RBFOX1: variants seen among roughly 807,000 people sequenced by gnomAD.
The protein encoded by RBFOX1 is RNA binding fox-1 homolog 1.
RBFOX1 carries 8 observed loss-of-function variants against 57.7 expected under a neutral mutation model. That is an observed-to-expected ratio of 0.14 (90% CI 0.08 to 0.25). The LOEUF is 0.25. Ranked by LOEUF, RBFOX1 falls within the 10% of genes least tolerant of loss-of-function variation. The pLI, the probability that RBFOX1 is intolerant of heterozygous loss-of-function variation, is 1.00. For missense variants in RBFOX1, 611 were observed against 548.5 expected, an observed-to-expected ratio of 1.11 and a Z score of -1.14; for synonymous variants, 326 against 222.4, an observed-to-expected ratio of 1.47 and a Z score of -4.15.
chr16:6,541,138 A>C (rs1163640288), intron 2 of RBFOX1, among the ~76,000 whole-genome samples: 3 of 152,248 alleles, frequency 2.0e-5, no homozygotes, highest in African/African-American at 4.8e-5. Context: ...CTGAGTGTTC[A>C]CAGTGAGTTG....
At chr16:7,578,076 T>A (rs985157214) in intron 5 of RBFOX1, among the ~76,000 whole-genome samples, 1 of 152,232 alleles carries the variant, frequency 6.6e-6, no homozygotes, top group Non-Finnish European at 1.5e-5. Flanking sequence ...TGAAAACCTT[T>A]CCTTCGTGTT....
chr16:6,691,357 C>G (rs1030194249), intron 3 of RBFOX1, among the ~76,000 whole-genome samples: 1 of 152,142 alleles, frequency 6.6e-6, no homozygotes, highest in Admixed American at 6.6e-5. Flanking sequence ...ATTTTGCCAT[C>G]ATTCTTCACT....
In RBFOX1 at chr16:6,948,329, C is replaced by T. The variant is rs79028083; in HGVS notation, c.-15-103728C>T. Among the ~76,000 whole-genome samples the T allele has an allele frequency of 2.8e-5, 4 of 142,780 alleles. No individual in the cohort carries two copies. The Admixed American group carries it at 2.9e-4, about 10-fold the overall frequency. 93.7% of individuals were successfully genotyped at this position (142,780 alleles called of 152,430 possible). A position where few individuals can be genotyped will look rare whatever the true frequency, so the allele number is the denominator to read the frequency against. ...ACAAAATAAAGCCAGGTAATGGAAACAAACTCTGACATCTTTCTGCTACAT... is the reference window on the plus strand; with the variant it reads ...ACAAAATAAAGCCAGGTAATGGAAATAAACTCTGACATCTTTCTGCTACAT... On this transcript the variant is annotated intron_variant, in intron 3 of 15. Transcript: ENST00000550418.
chr16:6,166,857 T>C (rs549116534), intron 1 of RBFOX1, among the ~76,000 whole-genome samples: 48 of 152,222 alleles, frequency 3.2e-4, no homozygotes, highest in South Asian at 1.0e-3. Flanking sequence ...CACTGCAACC[T>C]CCACCTCCCG....
intron 1 of RBFOX1, among the ~76,000 whole-genome samples, chr16:5,243,825 T>C (rs2062229223): frequency 6.6e-6 from 1 of 152,208 alleles, no homozygotes; most frequent in Non-Finnish European, 1.5e-5. Context: ...AGATACACTT[T>C]CATAGGAAGG....
intron 3 of RBFOX1, among the ~76,000 whole-genome samples, chr16:6,725,384 C>A (rs996697206): frequency 1.3e-5 from 2 of 152,024 alleles, no homozygotes; most frequent in Non-Finnish European, 2.9e-5. Flanking sequence ...ATCTTTTTAC[C>A]AACGAGGTCT....
At chr16:6,662,940 G>A (rs1354018880) in intron 3 of RBFOX1, among the ~76,000 whole-genome samples, 1 of 152,204 alleles carries the variant, frequency 6.6e-6, no homozygotes, top group Non-Finnish European at 1.5e-5. Context: ...GCACATGGAT[G>A]TGTAAAAATT....
chr16:7,605,140 C>T (rs1456888287), intron 9 of RBFOX1, among the ~76,000 whole-genome samples: 1 of 151,972 alleles, frequency 6.6e-6, no homozygotes, highest in Admixed American at 6.6e-5. Context: ...ATATTAATTC[C>T]CATATCCTCA....
At chr16:5,628,757 G>C (rs2048416612) in intron 3 of RBFOX1, among the ~76,000 whole-genome samples, 1 of 152,294 alleles carries the variant, frequency 6.6e-6, no homozygotes, top group African/African-American at 2.4e-5. Flanking sequence ...CCAAGGGCAG[G>C]ATTTTATATC....
At chr16:6,182,382 C>G (rs981196279) in intron 1 of RBFOX1, among the ~76,000 whole-genome samples, 1 of 152,162 alleles carries the variant, frequency 6.6e-6, no homozygotes, top group African/African-American at 2.4e-5. Context: ...GAATAAGAAT[C>G]ATTCCTAATT....
intron 4 of RBFOX1, among the ~76,000 whole-genome samples, chr16:7,271,705 T>TA (rs1275856659): frequency 6.6e-6 from 1 of 152,068 alleles, no homozygotes; most frequent in Non-Finnish European, 1.5e-5. Flanking sequence ...TAAAAGGAAA[T>TA]ATTTCATGGG....
chr16:5,874,417 T>C (rs930762035), intron 4 of RBFOX1, among the ~76,000 whole-genome samples: 2 of 152,182 alleles, frequency 1.3e-5, no homozygotes, highest in Non-Finnish European at 2.9e-5. Context: ...TGAAAGGTGA[T>C]CCGAGTGTTC....
intron 2 of RBFOX1, among the ~76,000 whole-genome samples, chr16:5,512,428 C>T (rs531642664): frequency 5.0e-5 from 4 of 79,322 alleles, no homozygotes; most frequent in African/African-American, 4.4e-4. Flanking sequence ...TTCTCTCTCT[C>T]TCTCTGTCTC....
At chr16:7,171,744 C>T (rs368369918) in intron 4 of RBFOX1, among the ~76,000 whole-genome samples, 1 of 152,186 alleles carries the variant, frequency 6.6e-6, no homozygotes, top group Non-Finnish European at 1.5e-5. Flanking sequence ...ACTGTAATAA[C>T]TCATTATCAA....
At chr16:6,246,369 A>G (rs1298287893) in intron 1 of RBFOX1, among the ~76,000 whole-genome samples, 1 of 152,274 alleles carries the variant, frequency 6.6e-6, no homozygotes, top group South Asian at 2.1e-4. Context: ...GGCAATTCCA[A>G]CATTTTATCT....
intron 2 of RBFOX1, among the ~76,000 whole-genome samples, chr16:6,323,501 C>T (rs772568758): frequency 6.6e-5 from 10 of 152,050 alleles, no homozygotes; most frequent in Admixed American, 1.3e-4. Context: ...ATGAGTTGTT[C>T]ATTGAGTTGA....
At position 6,997,846 on chromosome 16, in the gene RBFOX1, C is replaced by T. The variant is rs572462896; in HGVS notation, c.-15-54211C>T. Among the ~76,000 whole-genome samples, 160 of 152,168 alleles carry T rather than the reference C, an allele frequency of 1.1e-3. 2 individuals carry two copies. The highest frequency in any genetic ancestry group is 3.7e-3 in the African/African-American group (154 of 41,504). ...CAAATAATTTGTCTTCTAGTAATAG[C>T]AGGAAACAGTTATCAGAACACCAGT... is the stretch of plus-strand genomic sequence containing the variant. On this transcript the variant is annotated intron_variant, in intron 3 of 15. Coordinates refer to ENST00000550418, the MANE Select transcript of RBFOX1 (RefSeq NM_018723.4).
chr16:6,525,965 C>T (rs1159504749), intron 2 of RBFOX1, among the ~76,000 whole-genome samples: 3 of 151,940 alleles, frequency 2.0e-5, no homozygotes, highest in Admixed American at 6.6e-5. Context: ...TGGCTGAATG[C>T]GGGAAGTAAA....
At chr16:5,701,075 C>T (rs180729196) in intron 3 of RBFOX1, among the ~76,000 whole-genome samples, 1 of 151,946 alleles carries the variant, frequency 6.6e-6, no homozygotes, top group Admixed American at 6.6e-5. Context: ...AGCCTCTCAT[C>T]CCCATTTCTT....
Sources: allele counts gnomAD v4.1 joint callset (sites outside exome capture counted in the v4.1 genomes callset), GRCh38; gene constraint gnomAD v4.1.1; transcripts MANE v1.5; gene names NCBI Gene and HGNC (gene_info 2026-07-23, HGNC 2026-07-21).